ZSCAN22: variants seen among roughly 807,000 people sequenced by gnomAD.
The protein encoded by ZSCAN22 is zinc finger and SCAN domain-containing protein 22.
Under a neutral mutation model 12.4 loss-of-function variants are expected in ZSCAN22, and 7 were observed. The observed-to-expected ratio is 0.57, with a 90% CI of 0.32 to 1.06. The LOEUF is 1.06. Ranked by LOEUF, ZSCAN22 falls within the 50% of genes least tolerant of loss-of-function variation. The pLI, the probability that ZSCAN22 is intolerant of heterozygous loss-of-function variation, is 0.04. For synonymous variants in ZSCAN22, 243 were observed against 255.9 expected, an observed-to-expected ratio of 0.95 and a Z score of 0.48; for missense variants, 576 against 631.7, an observed-to-expected ratio of 0.91 and a Z score of 0.94.
rs558607664 is a variant in ZSCAN22 at position 58,338,512 on chromosome 19, G to C, written c.662G>C (p.Arg221Pro). 1.1e-5 allele frequency: 17 copies of C among 1,614,102 alleles called. No homozygotes were observed. The highest frequency in any genetic ancestry group is 1.4e-5 in the Non-Finnish European group (17 of 1,180,048). The stretch of plus-strand genomic sequence containing the variant: ...GATGTCCCCACAGACCAGCGTGGCC[G>C]TGAATCTGGTGCCTCGAGGAACAGT... ...YKDVPTDQRG[R>P]ESGASRNSSS... Residue 221 changes from arginine to proline, a missense_variant, in exon 3 of 3, where the codon CGT (arginine) becomes CCT (proline). Coordinates refer to ENST00000329665, the MANE Select transcript of ZSCAN22 (RefSeq NM_181846.3). The surrounding 1 kb of genome is among the most constrained non-coding windows in gnomAD (Gnocchi z 5.4).
Position 58,338,888 on chromosome 19 carries a change from T to C in ZSCAN22, c.1038T>C (p.His346=). 1 of 1,613,504 alleles carries C rather than the reference T, an allele frequency of 6.2e-7. No individual in the cohort carries two copies. Among genetic ancestry groups the C allele is most frequent in the Non-Finnish European group, 8.5e-7 (1 of 1,179,894 alleles). Residue 346 remains histidine (H), a synonymous_variant, in exon 3 of 3, where the codon CAT becomes CAC. Transcript: ENST00000329665. This position sits in a 1 kb window ranked among gnomAD's most constrained non-coding sequence, Gnocchi z 5.4. The stretch of plus-strand genomic sequence containing the variant: ...ACCTGACTCAGCACCAAAGGATTCA[T>C]ACTGGAGAGAAACCCTACAAATGTG... ...VTHLTQHQRI[H]TGEKPYKCGE...
At position 58,339,051 on chromosome 19, in the gene ZSCAN22, A is replaced by C. The variant is rs752437047; in HGVS notation, c.1201A>C (p.Ile401Leu). 4 of 1,614,024 alleles carry C rather than the reference A, an allele frequency of 2.5e-6. No individual in the cohort carries two copies. Among genetic ancestry groups the C allele is most frequent in the African/African-American group, 2.7e-5 (2 of 74,922 alleles). The part of the protein sequence containing the change: ...QSTHLTQHQR[I>L]HTGEKPYKCD... ...CACGCACCTGACTCAACACCAGCGC[A>C]TCCACACCGGGGAGAAGCCCTACAA... Residue 401 changes from isoleucine to leucine, a missense_variant, in exon 3 of 3, where the codon ATC becomes CTC. Coordinates refer to ENST00000329665, the MANE Select transcript of ZSCAN22 (RefSeq NM_181846.3). The surrounding 1 kb of genome is among the most constrained non-coding windows in gnomAD (Gnocchi z 5.6).
chr19:58,331,614 G>A (rs555105602), intron 1 of ZSCAN22, among the ~76,000 whole-genome samples: 94 of 136,662 alleles, frequency 6.9e-4, no homozygotes, highest in Middle Eastern at 5.1e-3. Flanking sequence ...GCGTGATCTC[G>A]GCTCACTGCA....
intron 1 of ZSCAN22, among the ~76,000 whole-genome samples, chr19:58,328,963 CAA>C (rs1423117976): frequency 9.2e-5 from 14 of 152,144 alleles, no homozygotes; most frequent in African/African-American, 3.4e-4. Flanking sequence ...ACAGAACTAG[CAA>C]AGAGTTACCC....
chr19:58,339,327 C>T lies in ZSCAN22; in HGVS notation c.*1C>T. ...GATCCACATCACGGTGCTGCAATGACCGGAAGTCGCCCCTGGGGGCGTAGC... is the reference window on the plus strand; with the variant it reads ...GATCCACATCACGGTGCTGCAATGATCGGAAGTCGCCCCTGGGGGCGTAGC... On this transcript the variant is annotated 3_prime_UTR_variant, in exon 3 of 3. Coordinates refer to ENST00000329665, the MANE Select transcript of ZSCAN22 (RefSeq NM_181846.3). This position sits in a 1 kb window ranked among gnomAD's most constrained non-coding sequence, Gnocchi z 5.6. 1 of 1,588,244 alleles carries T rather than the reference C, an allele frequency of 6.3e-7. No individual in the cohort carries two copies. Among genetic ancestry groups the T allele is most frequent in the Non-Finnish European group, 8.6e-7 (1 of 1,164,486 alleles).
At chr19:58,331,555 T>C (rs2051726655) in intron 1 of ZSCAN22, among the ~76,000 whole-genome samples, 1 of 138,468 alleles carries the variant, frequency 7.2e-6, no homozygotes, top group East Asian at 2.0e-4. Flanking sequence ...ATTATTATTA[T>C]TATTATTATT....
rs2147994419 is a variant in ZSCAN22 at position 58,341,360 on chromosome 19, C to T, written c.*2034C>T. ...CCTGTCCCATTTTTAGGGTCCCTGT[C>T]TATCACTGGATGCTGCAGCTTCTGT... is the stretch of plus-strand genomic sequence containing the variant. On this transcript the variant is annotated 3_prime_UTR_variant, in exon 3 of 3. Coordinates refer to ENST00000329665, the MANE Select transcript of ZSCAN22 (RefSeq NM_181846.3). 1 of 152,338 alleles carries T rather than the reference C, an allele frequency of 6.6e-6. No individual in the cohort carries two copies. The highest frequency in any genetic ancestry group is 3.4e-3 in the Middle Eastern group (1 of 294). 9.4% of individuals were successfully genotyped at this position (152,338 alleles called of 1,614,324 possible).
At chr19:58,331,971 T>G (rs964974013) in intron 1 of ZSCAN22, among the ~76,000 whole-genome samples, 1 of 152,078 alleles carries the variant, frequency 6.6e-6, no homozygotes, top group Admixed American at 6.6e-5. Context: ...CCTTCCAGGT[T>G]AAAGGGTTTC....
chr19:58,331,801 T>C (rs1267553769), intron 1 of ZSCAN22, among the ~76,000 whole-genome samples: 1 of 152,060 alleles, frequency 6.6e-6, no homozygotes, highest in African/African-American at 2.4e-5. Context: ...CAGCTTGGCC[T>C]CCCAAAGTGT....
Position 58,334,827 on chromosome 19 carries a change from A to C in ZSCAN22, c.25A>C (p.Ser9Arg). MAIPKHSL[S>R]PVPWEEDSFL... ...GATGGCCATCCCCAAGCACTCCCTG[A>C]GCCCAGTGCCGTGGGAAGAGGACAG... The change falls in exon 2 of 3, where the codon AGC (serine) becomes CGC (arginine). Residue 9 changes from serine to arginine, a missense_variant. By Grantham distance (110) the Ser-to-Arg change is moderately radical. Transcript: ENST00000329665. 1 of 1,609,324 alleles carries C rather than the reference A, an allele frequency of 6.2e-7. No individual in the cohort carries two copies. Among genetic ancestry groups the C allele is most frequent in the Non-Finnish European group, 8.5e-7 (1 of 1,176,922 alleles).
At position 58,340,567 on chromosome 19, in the gene ZSCAN22, C is replaced by T. The variant is rs1406108678; in HGVS notation, c.*1241C>T. 2 of 151,534 alleles carry T rather than the reference C, an allele frequency of 1.3e-5. No homozygotes were observed. The highest frequency in any genetic ancestry group is 4.9e-5 in the African/African-American group (2 of 41,190). The allele number at this position is 151,534 out of a possible 1,614,324, so 9.4% of individuals were successfully genotyped here. A position where few individuals can be genotyped will look rare whatever the true frequency, so the allele number is the denominator to read the frequency against. ...CTCGGCTCACTGCAAGCTCTGCCTC[C>T]CGGGTTCATGCCATTCTCCTGCCTC... is the stretch of plus-strand genomic sequence containing the variant. On this transcript the variant is annotated 3_prime_UTR_variant, in exon 3 of 3. Coordinates refer to ENST00000329665, the MANE Select transcript of ZSCAN22 (RefSeq NM_181846.3).
At position 58,339,456 on chromosome 19, in the gene ZSCAN22, A is replaced by C; in HGVS notation, c.*130A>C. On this transcript the variant is annotated 3_prime_UTR_variant, in exon 3 of 3. Coordinates refer to ENST00000329665, the MANE Select transcript of ZSCAN22 (RefSeq NM_181846.3). The surrounding 1 kb of genome is among the most constrained non-coding windows in gnomAD (Gnocchi z 5.6). ...GAGTTGTCAAAATGATAGGTGCCTG[A>C]GGGCAGACTCGGGCTGTCTAGGAAC... is the stretch of plus-strand genomic sequence containing the variant. 1.1e-6 allele frequency: 1 copy of C among 877,876 alleles called. No homozygotes were observed. Among genetic ancestry groups the C allele is most frequent in the South Asian group, 1.8e-5 (1 of 55,450 alleles). 54.4% of individuals were successfully genotyped at this position (877,876 alleles called of 1,614,324 possible). A position where few individuals can be genotyped will look rare whatever the true frequency, so the allele number is the denominator to read the frequency against.
At position 58,339,134 on chromosome 19, in the gene ZSCAN22, A is replaced by T. The variant is rs2051839302; in HGVS notation, c.1284A>T (p.Arg428Ser). ...GCTCAGCCCTGATCCGACATCTGAGAATCCACTCTGGAGAGAAGCCATATC... is the reference window on the plus strand; with the variant it reads ...GCTCAGCCCTGATCCGACATCTGAGTATCCACTCTGGAGAGAAGCCATATC... Reference protein sequence around the residue: ...SDCSALIRHLRIHSGEKPYQC... With the variant: ...SDCSALIRHLSIHSGEKPYQC... Residue 428 changes from arginine to serine, a missense_variant, in exon 3 of 3, where the codon AGA becomes AGT. Transcript: ENST00000329665. This position sits in a 1 kb window ranked among gnomAD's most constrained non-coding sequence, Gnocchi z 5.6. 1.2e-6 allele frequency: 2 copies of T among 1,614,074 alleles called. No individual in the cohort carries two copies. Among genetic ancestry groups the T allele is most frequent in the Admixed American group, 3.3e-5 (2 of 60,006 alleles).
chr19:58,327,849 G>C (rs2051673383), intron 1 of ZSCAN22, among the ~76,000 whole-genome samples: 2 of 152,108 alleles, frequency 1.3e-5, no homozygotes, highest in Non-Finnish European at 2.9e-5. Context: ...GAAATGCTGC[G>C]AGGGCCTGTG....
In ZSCAN22 at chr19:58,339,216, A is replaced by G; in HGVS notation, c.1366A>G (p.Arg456Gly). ...AQSSSLIEHQ[R>G]IHTGEKPYKC... ...GAGCTCCTCCCTCATTGAGCACCAG[A>G]GGATCCACACGGGAGAGAAGCCTTA... Residue 456 changes from arginine to glycine, a missense_variant, in exon 3 of 3, where the codon AGG becomes GGG. Coordinates refer to ENST00000329665, the MANE Select transcript of ZSCAN22 (RefSeq NM_181846.3). The surrounding 1 kb of genome is among the most constrained non-coding windows in gnomAD (Gnocchi z 5.6). The G allele has an allele frequency of 6.2e-7, 1 of 1,613,440 alleles. No homozygotes were observed. The highest frequency in any genetic ancestry group is 8.5e-7 in the Non-Finnish European group (1 of 1,179,832).
rs1253543595 is a variant in ZSCAN22 at position 58,329,781 on chromosome 19, T to C, written c.-52+2667T>C. 2.0e-5 allele frequency among the ~76,000 whole-genome samples: 3 copies of C among 152,266 alleles called. No homozygotes were observed. The East Asian group carries it at 5.8e-4, about 29-fold the overall frequency. On this transcript the variant is annotated intron_variant, in intron 1 of 2. Transcript: ENST00000329665. The surrounding 1 kb of genome is among the most constrained non-coding windows in gnomAD (Gnocchi z 4.1). The stretch of plus-strand genomic sequence containing the variant: ...TCAAGGGTATATAATAAGAAAAAAA[T>C]ATAGAATATATAAGGTTCAGTAATA...
At position 58,339,764 on chromosome 19, in the gene ZSCAN22, C is replaced by CT. The variant is rs60266420; in HGVS notation, c.*439dup. ...CTGCTGCTTAGCCCAGAACGGACAC[C>CT]TGCCATGCCCACCTCTGTGCCTTGG... is the stretch of plus-strand genomic sequence containing the variant. On this transcript the variant is annotated 3_prime_UTR_variant, in exon 3 of 3. Transcript: ENST00000329665. This position sits in a 1 kb window ranked among gnomAD's most constrained non-coding sequence, Gnocchi z 5.6. The CT allele has an allele frequency of 0.092, 15,072 of 163,800 alleles. 1,075 individuals are homozygous for CT. Among genetic ancestry groups the CT allele is most frequent in the African/African-American group, 0.18 (7,647 of 41,788 alleles). 10.1% of individuals were successfully genotyped at this position (163,800 alleles called of 1,614,324 possible).
At chr19:58,332,730 C>CT (rs2051742512) in intron 1 of ZSCAN22, among the ~76,000 whole-genome samples, 2 of 152,122 alleles carry the variant, frequency 1.3e-5, no homozygotes, top group African/African-American at 2.4e-5. Flanking sequence ...ATTGTTTCTC[C>CT]TTTTTTGCTG....
Position 58,339,361 on chromosome 19 carries a change from T to C in ZSCAN22, c.*35T>C. 2 of 1,536,302 alleles carry C rather than the reference T, an allele frequency of 1.3e-6. No individual in the cohort carries two copies. The highest frequency in any genetic ancestry group is 1.8e-6 in the Non-Finnish European group (2 of 1,139,694). Reference sequence around the variant, plus strand: ...GCCCCTGGGGGCGTAGCACAGCGTCTTCTCGGAGGCTCGAGGTCTAAGAGA... The same window carrying C: ...GCCCCTGGGGGCGTAGCACAGCGTCCTCTCGGAGGCTCGAGGTCTAAGAGA... On this transcript the variant is annotated 3_prime_UTR_variant, in exon 3 of 3. Transcript: ENST00000329665. This position sits in a 1 kb window ranked among gnomAD's most constrained non-coding sequence, Gnocchi z 5.6.
Sources: gnomAD v4.1 joint callset for allele counts (sites outside exome capture counted in the v4.1 genomes callset) on GRCh38, gnomAD v4.1.1 for gene constraint, Gnocchi (gnomAD v3.1) non-coding constraint, MANE v1.5 for transcripts, NCBI Gene and HGNC (gene_info 2026-07-23, HGNC 2026-07-21) for gene names.